ASTN2: variants seen among roughly 807,000 people sequenced by gnomAD.
ASTN2 encodes astrotactin 2.
In ASTN2, 54 loss-of-function variants were observed where a neutral mutation model predicts 139.8. The observed-to-expected ratio is 0.39, with a 90% CI of 0.31 to 0.48. The LOEUF is 0.48. ASTN2 is among the 20% of genes least tolerant of loss of function. The probability of loss-of-function intolerance (pLI) is 0.95; values close to 1 mark genes in which losing one functional copy is unlikely to be tolerated. For synonymous variants in ASTN2, 756 were observed against 719.5 expected (o/e 1.05, Z -0.81); for missense variants, 1,565 against 1,725.1 (o/e 0.91, Z 1.64).
intron 19 of ASTN2, among the ~76,000 whole-genome samples, chr9:116,601,360 C>T (rs1279166775): frequency 6.6e-6 from 1 of 152,152 alleles, no homozygotes; most frequent in Non-Finnish European, 1.5e-5. Flanking sequence ...AATAAGATAC[C>T]TATTCATCAA....
chr9:117,097,341 A>G (rs906266917), intron 4 of ASTN2, among the ~76,000 whole-genome samples: 4 of 152,240 alleles, frequency 2.6e-5, no homozygotes, highest in African/African-American at 4.8e-5. Flanking sequence ...TTAATTCCAA[A>G]GAGAGAAATA....
At chr9:117,400,401 T>C (rs1376192828) in intron 1 of ASTN2, among the ~76,000 whole-genome samples, 1 of 151,776 alleles carries the variant, frequency 6.6e-6, no homozygotes, top group African/African-American at 2.4e-5. Context: ...GGCAAGTGAG[T>C]GGGGGCGATT....
intron 19 of ASTN2, among the ~76,000 whole-genome samples, chr9:116,603,704 T>C (rs1855031907): frequency 6.6e-6 from 1 of 152,240 alleles, no homozygotes; most frequent in Non-Finnish European, 1.5e-5. Flanking sequence ...GCAAACTCTC[T>C]GGATGAAAGG....
At chr9:117,128,403 A>G in intron 4 of ASTN2, among the ~76,000 whole-genome samples, 1 of 136,392 alleles carries the variant, frequency 7.3e-6, no homozygotes, top group African/African-American at 2.6e-5. Context: ...AAAAAAAAGA[A>G]ATCAAGGTCT....
chr9:117,298,677 T>TATATATATATATATATGTGC (rs1564133164), intron 1 of ASTN2, among the ~76,000 whole-genome samples: 4 of 131,110 alleles, frequency 3.1e-5, no homozygotes, highest in South Asian at 2.5e-4. Flanking sequence ...TGTGTATATA[T>TATATATATATATATATGTGC]ATATATATAT....
intron 10 of ASTN2, among the ~76,000 whole-genome samples, chr9:116,896,684 T>G (rs1259319178): frequency 6.6e-6 from 1 of 152,126 alleles, no homozygotes; most frequent in Admixed American, 6.5e-5. Context: ...TGGGGAGGTC[T>G]TGGGAAACTT....
rs113796060 is a variant in ASTN2, at chr9:117,190,343, A to C, written c.1015+24015T>G. Among the ~76,000 whole-genome samples the C allele has an allele frequency of 5.1e-3, 782 of 152,304 alleles. 3 individuals are homozygous for C. Among genetic ancestry groups the C allele is most frequent in the Non-Finnish European group, 8.9e-3 (603 of 68,022 alleles). Reference sequence around the variant, plus strand: ...AAAACAAAACATTATGTAGGGGCTAAATTCTGCCTGTGAGTTTCCATAGTA... The same window carrying C: ...AAAACAAAACATTATGTAGGGGCTACATTCTGCCTGTGAGTTTCCATAGTA... On this transcript the variant is annotated intron_variant, in intron 3 of 22. Transcript: ENST00000313400.
intron 1 of ASTN2, among the ~76,000 whole-genome samples, chr9:117,365,987 C>T (rs1829834851): frequency 6.6e-6 from 1 of 152,202 alleles, no homozygotes; most frequent in South Asian, 2.1e-4. Flanking sequence ...TTGTTCTGCG[C>T]TCCTGACACA....
At chr9:116,886,606 A>G (rs1004774589) in intron 10 of ASTN2, among the ~76,000 whole-genome samples, 7 of 152,072 alleles carry the variant, frequency 4.6e-5, no homozygotes, top group Non-Finnish European at 8.8e-5. Flanking sequence ...GCTTCAAGTG[A>G]TCCTCCCACT....
At chr9:117,027,348 A>G (rs11788547) in intron 6 of ASTN2, among the ~76,000 whole-genome samples, 50,702 of 151,846 alleles carry the variant, frequency 0.33, 9,232 homozygotes, top group African/African-American at 0.49. Flanking sequence ...TGACTCTTCC[A>G]CTCCTTTTAT....
intron 11 of ASTN2, among the ~76,000 whole-genome samples, chr9:116,847,643 C>A (rs1832480627): frequency 6.6e-6 from 1 of 152,158 alleles, no homozygotes; most frequent in Admixed American, 6.6e-5. Flanking sequence ...ATGTGCACAG[C>A]CTGATGGTAT....
intron 7 of ASTN2, among the ~76,000 whole-genome samples, chr9:117,005,317 G>A (rs1837325132): frequency 6.6e-6 from 1 of 150,464 alleles, no homozygotes. Context: ...TTGATCTCCT[G>A]ACCTAGTGAT....
intron 12 of ASTN2, among the ~76,000 whole-genome samples, chr9:116,819,666 G>T (rs1451402166): frequency 6.6e-6 from 1 of 152,214 alleles, no homozygotes; most frequent in African/African-American, 2.4e-5. Context: ...AGTAAAGACA[G>T]CATTAAATGT....
intron 13 of ASTN2, among the ~76,000 whole-genome samples, chr9:116,746,149 C>T (rs1829227626): frequency 6.7e-6 from 1 of 149,622 alleles, no homozygotes; most frequent in Admixed American, 6.7e-5. Flanking sequence ...TGTAGTGGCG[C>T]CATCTCAGCT....
At chr9:117,295,615 T>C (rs1213577669) in intron 1 of ASTN2, among the ~76,000 whole-genome samples, 3 of 151,910 alleles carry the variant, frequency 2.0e-5, no homozygotes, top group African/African-American at 7.3e-5. Flanking sequence ...ATTTCAGTGA[T>C]TTGGTATATA....
intron 13 of ASTN2, among the ~76,000 whole-genome samples, chr9:116,738,236 C>G (rs976324496): frequency 6.6e-5 from 10 of 151,752 alleles, no homozygotes; most frequent in African/African-American, 2.4e-4. Context: ...AGCAGCGGCT[C>G]ATGCCTATAA....
intron 16 of ASTN2, among the ~76,000 whole-genome samples, chr9:116,712,374 A>G (rs1729423724): frequency 6.6e-6 from 1 of 152,160 alleles, no homozygotes; most frequent in Non-Finnish European, 1.5e-5. Flanking sequence ...TTCTCATTAA[A>G]TATCTTTTTC....
chr9:117,018,525 GTA>G (rs1223181252), intron 6 of ASTN2, among the ~76,000 whole-genome samples: 1 of 152,136 alleles, frequency 6.6e-6, no homozygotes, highest in Non-Finnish European at 1.5e-5. Context: ...GTCAGTGTGT[GTA>G]TGTTTGTAAG....
At chr9:116,473,689 G>A (rs967799027) in intron 20 of ASTN2, among the ~76,000 whole-genome samples, 2 of 152,224 alleles carry the variant, frequency 1.3e-5, no homozygotes, top group African/African-American at 4.8e-5. Flanking sequence ...CCTGACGTCA[G>A]GAGTTCGAGA....
Sources: allele counts gnomAD v4.1 joint callset (sites outside exome capture counted in the v4.1 genomes callset), GRCh38; gene constraint gnomAD v4.1.1; transcripts MANE v1.5; gene names NCBI Gene and HGNC (gene_info 2026-07-23, HGNC 2026-07-21).